Variants in PTPRD observed in about 807,000 individuals in gnomAD.
PTPRD encodes the protein receptor-type tyrosine-protein phosphatase delta.
In PTPRD, 34 loss-of-function variants were observed where a neutral mutation model predicts 214.5. The ratio of observed to expected loss-of-function variants is 0.16; its 90% CI spans 0.12 to 0.21. PTPRD has a LOEUF of 0.21. Ranked by LOEUF, PTPRD falls within the 10% of genes least tolerant of loss-of-function variation. The pLI is 1.00. For missense variants in PTPRD, 2,545 were observed against 2,398.7 expected (o/e 1.06, Z -1.27); for synonymous variants, 1,128 against 845.7 (o/e 1.33, Z -5.79).
At chr9:8,586,845 C>T (rs2093694697) in intron 14 of PTPRD, among the ~76,000 whole-genome samples, 1 of 152,172 alleles carries the variant, frequency 6.6e-6, no homozygotes, top group South Asian at 2.1e-4. Flanking sequence ...TAACTCCTCA[C>T]TTAATAAAGA....
At chr9:9,243,575 C>T (rs903230152) in intron 9 of PTPRD, among the ~76,000 whole-genome samples, 5 of 152,000 alleles carry the variant, frequency 3.3e-5, no homozygotes, top group African/African-American at 9.7e-5. Context: ...AAAAGGCCTT[C>T]GATAAAATTC....
intron 3 of PTPRD, among the ~76,000 whole-genome samples, chr9:10,083,514 C>T (rs1797755255): frequency 6.6e-6 from 1 of 152,008 alleles, no homozygotes; most frequent in African/African-American, 2.4e-5. Context: ...TCAGCAAATT[C>T]ATGTCTATAA....
At chr9:9,520,561 C>T (rs906917887) in intron 8 of PTPRD, among the ~76,000 whole-genome samples, 2 of 152,060 alleles carry the variant, frequency 1.3e-5, no homozygotes, top group Non-Finnish European at 2.9e-5. Flanking sequence ...ATTTTATGCT[C>T]GTTTGCTTGC....
At chr9:9,248,679 C>G (rs1364978187) in intron 9 of PTPRD, among the ~76,000 whole-genome samples, 1 of 152,030 alleles carries the variant, frequency 6.6e-6, no homozygotes, top group South Asian at 2.1e-4. Context: ...TACATACAGT[C>G]TAGCTAAGGG....
At position 8,608,887 on chromosome 9, in the gene PTPRD, G is replaced by C. The variant is rs563942622; in HGVS notation, c.352+24430C>G. ...TGGGAAAGGATAAGTGGCCCAAAGA[G>C]AGTGAATCAGCACAAGTCAAGTGGT... On this transcript the variant is annotated intron_variant, in intron 14 of 45. Transcript: ENST00000381196. Among the ~76,000 whole-genome samples the C allele has an allele frequency of 1.0e-3, 153 of 152,258 alleles. 3 individuals are homozygous for C. The South Asian group carries it at 0.031, about 31-fold the overall frequency.
rs974618637 is a variant in PTPRD, at chr9:8,518,164, T to C, written c.1227A>G (p.Leu409=). 15 of 1,614,044 alleles carry C rather than the reference T, an allele frequency of 9.3e-6. No individual in the cohort carries two copies. The highest frequency in any genetic ancestry group is 1.3e-5 in the Non-Finnish European group (15 of 1,180,042). The change falls in exon 21 of 46, where the codon CTA becomes CTG. Residue 409 remains leucine, a synonymous_variant. Transcript: ENST00000381196. ...ATGGTGCTTGCTCTGAGGTTTGTGTTAGCACAGGTTCGCTGGGAGGCCCCC... is the reference window on the plus strand; with the variant it reads ...ATGGTGCTTGCTCTGAGGTTTGTGTCAGCACAGGTTCGCTGGGAGGCCCCC... ...IGRGPPSEPV[L]TQTSEQAPSS...
At chr9:8,626,535 T>A (rs2096045071) in intron 14 of PTPRD, among the ~76,000 whole-genome samples, 2 of 151,864 alleles carry the variant, frequency 1.3e-5, no homozygotes, top group South Asian at 4.1e-4. Flanking sequence ...GGTCAAATGT[T>A]ATCTTGAGCA....
rs181808316 is a variant in PTPRD at position 9,231,567 on chromosome 9, T to C, written c.-202-48204A>G. On this transcript the variant is annotated intron_variant, in intron 9 of 45. Coordinates refer to ENST00000381196, the MANE Select transcript of PTPRD (RefSeq NM_002839.4). Reference sequence around the variant, plus strand: ...CCAGCATTTTTGAAACTACCTAATTTTCCAACAAATAATACTCTCTGCACT... The same window carrying C: ...CCAGCATTTTTGAAACTACCTAATTCTCCAACAAATAATACTCTCTGCACT... 4.1e-3 allele frequency among the ~76,000 whole-genome samples: 629 copies of C among 152,252 alleles called. 2 individuals are homozygous for C. Among genetic ancestry groups the C allele is most frequent in the African/African-American group, 0.015 (603 of 41,544 alleles).
At chr9:8,934,929 C>A (rs1467121806) in intron 11 of PTPRD, among the ~76,000 whole-genome samples, 1 of 152,018 alleles carries the variant, frequency 6.6e-6, no homozygotes, top group African/African-American at 2.4e-5. Flanking sequence ...CATGTAGTCA[C>A]ACATGACAGG....
chr9:9,284,741 T>C (rs1008560902), intron 9 of PTPRD, among the ~76,000 whole-genome samples: 6 of 151,750 alleles, frequency 4.0e-5, no homozygotes, highest in Admixed American at 1.3e-4. Flanking sequence ...GAAAAGAACA[T>C]AGATTCTTAT....
chr9:10,143,460 G>A (rs1210503901), intron 3 of PTPRD, among the ~76,000 whole-genome samples: 1 of 151,990 alleles, frequency 6.6e-6, no homozygotes, highest in Non-Finnish European at 1.5e-5. Flanking sequence ...CACTGTTGGT[G>A]GGGATCTAAC....
At chr9:8,858,269 C>G (rs369404378) in intron 11 of PTPRD, 1 of 153,586 alleles carries the variant, frequency 6.5e-6, no homozygotes, top group Admixed American at 6.5e-5. Flanking sequence ...CGGCTGCCCC[C>G]CTCGGTGCCT....
At chr9:10,051,031 G>A (rs1217103008) in intron 3 of PTPRD, among the ~76,000 whole-genome samples, 1 of 151,882 alleles carries the variant, frequency 6.6e-6, no homozygotes. Context: ...TGTACTTTAA[G>A]CATAATAAAA....
At chr9:8,517,821 C>T (rs2138442805) in intron 21 of PTPRD, 27 bp downstream of exon 21, 2 of 1,585,602 alleles carry the variant, frequency 1.3e-6, no homozygotes, top group South Asian at 1.1e-5. Flanking sequence ...TCCCTCCTGC[C>T]CTATTTCCCT....
At chr9:8,434,738 G>A (rs1223192673) in intron 35 of PTPRD, among the ~76,000 whole-genome samples, 1 of 152,096 alleles carries the variant, frequency 6.6e-6, no homozygotes, top group Admixed American at 6.6e-5. Context: ...AAGATTTCTG[G>A]TTCATAAAAA....
intron 34 of PTPRD, 80 bp from the exon 35 acceptor site, chr9:8,436,769 A>G (rs2095367257): frequency 9.1e-7 from 1 of 1,104,628 alleles, no homozygotes; most frequent in Admixed American, 2.0e-5. Flanking sequence ...AGAGAATACT[A>G]TAGTTAGAAA....
At chr9:9,473,031 G>C (rs1430801207) in intron 8 of PTPRD, among the ~76,000 whole-genome samples, 1 of 151,982 alleles carries the variant, frequency 6.6e-6, no homozygotes, top group African/African-American at 2.4e-5. Context: ...TATTGTTAAT[G>C]AACTCTACAT....
rs570425875 is a variant in PTPRD at position 8,358,717 on chromosome 9, G to A, written c.4662-16739C>T. Among the ~76,000 whole-genome samples the A allele has an allele frequency of 3.9e-5, 6 of 152,092 alleles. No homozygotes were observed. The East Asian group carries it at 1.2e-3, about 29-fold the overall frequency. ...GTTAGCCTAACCACAGAGTAGATATGCAACCTTCCTATTCTTGCATAGTTT... is the reference window on the plus strand; with the variant it reads ...GTTAGCCTAACCACAGAGTAGATATACAACCTTCCTATTCTTGCATAGTTT... On this transcript the variant is annotated intron_variant, in intron 39 of 45. Coordinates refer to ENST00000381196, the MANE Select transcript of PTPRD (RefSeq NM_002839.4).
chr9:8,755,608 G>C (rs1482220034), intron 11 of PTPRD, among the ~76,000 whole-genome samples: 1 of 151,114 alleles, frequency 6.6e-6, no homozygotes, highest in Non-Finnish European at 1.5e-5. Context: ...AATAAATTGT[G>C]GCATATTCAT....
Sources: gnomAD v4.1 joint callset for allele counts (sites outside exome capture counted in the v4.1 genomes callset) on GRCh38, gnomAD v4.1.1 for gene constraint, MANE v1.5 for transcripts, NCBI Gene and HGNC (gene_info 2026-07-23, HGNC 2026-07-21) for gene names.